RETREG1: variants seen among roughly 807,000 people sequenced by gnomAD.
The protein encoded by RETREG1 is family with sequence similarity 134 member B.
RETREG1 carries 44 observed loss-of-function variants against 54.8 expected under a neutral mutation model. The observed-to-expected ratio is 0.80, with a 90% confidence interval of 0.63 to 1.03. The LOEUF is 1.03. Among genes scored for constraint, RETREG1 ranks in the 50% least tolerant of loss-of-function variants. The pLI is 0.00. For missense variants in RETREG1, 554 were observed against 605.1 expected (o/e 0.92, Z 0.89); for synonymous variants, 217 against 238.5 (o/e 0.91, Z 0.83).
intron 3 of RETREG1, among the ~76,000 whole-genome samples, chr5:16,528,499 T>C (rs1179077318): frequency 6.6e-6 from 1 of 152,142 alleles, no homozygotes; most frequent in East Asian, 1.9e-4. Flanking sequence ...CAGCTCTGGA[T>C]GACATGGAGG....
intron 3 of RETREG1, among the ~76,000 whole-genome samples, chr5:16,518,119 T>C (rs1030623196): frequency 1.3e-5 from 2 of 148,164 alleles, no homozygotes; most frequent in Non-Finnish European, 3.0e-5. Flanking sequence ...TGTATTTACA[T>C]ATAATTGTAT....
At chr5:16,598,477 T>G (rs1217305359) in intron 1 of RETREG1, among the ~76,000 whole-genome samples, 1 of 152,218 alleles carries the variant, frequency 6.6e-6, no homozygotes, top group Non-Finnish European at 1.5e-5. Context: ...ACTGTCACCC[T>G]CGGAGCCTTT....
At chr5:16,555,746 G>T (rs2019248) in intron 3 of RETREG1, among the ~76,000 whole-genome samples, 1 of 152,150 alleles carries the variant, frequency 6.6e-6, no homozygotes, top group Non-Finnish European at 1.5e-5. Flanking sequence ...ATGCTACTAG[G>T]CAAATATGAC....
chr5:16,601,661 G>A (rs570217630), intron 1 of RETREG1, among the ~76,000 whole-genome samples: 4 of 152,280 alleles, frequency 2.6e-5, no homozygotes, highest in African/African-American at 9.6e-5. Flanking sequence ...CTCCCAAAGT[G>A]CTGCGATTAT....
At chr5:16,579,217 G>A (rs983399767) in intron 1 of RETREG1, among the ~76,000 whole-genome samples, 2 of 152,180 alleles carry the variant, frequency 1.3e-5, no homozygotes, top group African/African-American at 4.8e-5. Flanking sequence ...TTTATATGGA[G>A]TCACTCATTG....
At chr5:16,577,189 G>A (rs1039647547) in intron 1 of RETREG1, among the ~76,000 whole-genome samples, 1 of 151,832 alleles carries the variant, frequency 6.6e-6, no homozygotes, top group Non-Finnish European at 1.5e-5. Flanking sequence ...TCTGGGAATC[G>A]TTTGTTGTAT....
intron 1 of RETREG1, among the ~76,000 whole-genome samples, chr5:16,576,332 C>T (rs1376582685): frequency 3.6e-5 from 5 of 137,142 alleles, no homozygotes; most frequent in Admixed American, 7.8e-5. Context: ...CTTGCTCTGT[C>T]GCCAGGCTGG....
At chr5:16,549,079 G>A (rs1741463073) in intron 3 of RETREG1, among the ~76,000 whole-genome samples, 1 of 152,220 alleles carries the variant, frequency 6.6e-6, no homozygotes, top group Non-Finnish European at 1.5e-5. Context: ...TTGCTTGCCA[G>A]AGAAGAGCTT....
chr5:16,538,638 G>A (rs1411664335), intron 3 of RETREG1, among the ~76,000 whole-genome samples: 1 of 151,978 alleles, frequency 6.6e-6, no homozygotes, highest in East Asian at 1.9e-4. Context: ...AAGACACCAT[G>A]TACCTTTCCA....
chr5:16,493,224 AT>A (rs1185234400), intron 3 of RETREG1, among the ~76,000 whole-genome samples: 1 of 152,210 alleles, frequency 6.6e-6, no homozygotes, highest in African/African-American at 2.4e-5. Flanking sequence ...CACCTAGATC[AT>A]TTGGGAGGCT....
At chr5:16,510,829 A>C (rs1201301529) in intron 3 of RETREG1, among the ~76,000 whole-genome samples, 1 of 151,158 alleles carries the variant, frequency 6.6e-6, no homozygotes, top group African/African-American at 2.4e-5. Context: ...AAAAAAAAAA[A>C]AAAAAAAAAA....
At chr5:16,559,011 C>T (rs1157974899) in intron 3 of RETREG1, among the ~76,000 whole-genome samples, 4 of 152,220 alleles carry the variant, frequency 2.6e-5, no homozygotes, top group African/African-American at 9.6e-5. Context: ...ATGTGTTAGA[C>T]ATCTCTGATT....
chr5:16,548,879 C>T (rs976689497), intron 3 of RETREG1, among the ~76,000 whole-genome samples: 4 of 152,184 alleles, frequency 2.6e-5, no homozygotes, highest in Admixed American at 6.5e-5. Context: ...GTTATTTAAG[C>T]CACCCAATCT....
In RETREG1 at chr5:16,563,301, A is replaced by G. The variant is rs867216899; in HGVS notation, c.458+2462T>C. Among the ~76,000 whole-genome samples, 12 of 152,338 alleles carry G rather than the reference A, an allele frequency of 7.9e-5. No homozygotes were observed. In the South Asian group the frequency reaches 2.5e-3, roughly 32 times the overall value. On this transcript the variant is annotated intron_variant, in intron 3 of 8. Transcript: ENST00000306320. ...AAGACAAGGTCTCGCTCTGTTGCCC[A>G]GGCTGGAGTGCAGTGGCGTGATCTC...
At chr5:16,602,931 C>T (rs1561136306) in intron 1 of RETREG1, among the ~76,000 whole-genome samples, 1 of 152,124 alleles carries the variant, frequency 6.6e-6, no homozygotes, top group Non-Finnish European at 1.5e-5. Flanking sequence ...CTGCTTGAAC[C>T]TGGGAGGAGG....
At chr5:16,601,832 TA>T (rs1743063323) in intron 1 of RETREG1, among the ~76,000 whole-genome samples, 2 of 152,114 alleles carry the variant, frequency 1.3e-5, no homozygotes, top group Admixed American at 1.3e-4. Context: ...GAAATATCCA[TA>T]ATCAAGAGAA....
intron 1 of RETREG1, among the ~76,000 whole-genome samples, chr5:16,604,295 A>G (rs551965954): frequency 2.0e-5 from 3 of 152,218 alleles, no homozygotes; most frequent in African/African-American, 7.2e-5. Flanking sequence ...GGGAGAAGTG[A>G]CTTAAATCCT....
rs541318317 is a variant in RETREG1 at position 16,607,855 on chromosome 5, C to G, written c.320+8797G>C. Among the ~76,000 whole-genome samples, 47 of 151,626 alleles carry G rather than the reference C, an allele frequency of 3.1e-4. No homozygotes were observed. The South Asian group carries it at 3.1e-3, about 10-fold the overall frequency. On this transcript the variant is annotated intron_variant, in intron 1 of 8. Transcript: ENST00000306320. ...GCACATAAATCTCCCCTCCCCTCCC[C>G]TCCCCTCCACTCTCACTGTTTTTAT...
Position 16,478,084 on chromosome 5 carries a change from T to C in RETREG1, c.823A>G (p.Lys275Glu). 1.2e-6 allele frequency: 2 copies of C among 1,611,192 alleles called. No individual in the cohort carries two copies. The highest frequency in any genetic ancestry group is 1.7e-6 in the Non-Finnish European group (2 of 1,178,206). The change falls in exon 7 of 9, where the codon AAA becomes GAA. Residue 275 changes from lysine to glutamate, a missense_variant. Lys to Glu is a moderately conservative substitution (Grantham distance 56). This residue lies in a region of RETREG1 where 347 missense variants were observed against 412.3 expected (regional missense o/e 0.84). Coordinates refer to ENST00000306320, the MANE Select transcript of RETREG1 (RefSeq NM_001034850.3). Reference protein sequence around the residue: ...KRERSEADKEKSHKDDSELDF... With the variant: ...KRERSEADKEESHKDDSELDF... The stretch of plus-strand genomic sequence containing the variant: ...AATTCACTGTCATCTTTGTGACTTT[T>C]TTCTTTGTCTGCTTCTGTTGAGGAA...
Sources: allele counts gnomAD v4.1 joint callset (sites outside exome capture counted in the v4.1 genomes callset), GRCh38; gene constraint gnomAD v4.1.1; regional missense constraint gnomAD v4.1.1; transcripts MANE v1.5; gene names NCBI Gene and HGNC (gene_info 2026-07-23, HGNC 2026-07-21).